WDFY4: variants seen among roughly 807,000 people sequenced by gnomAD.
The protein encoded by WDFY4 is WDFY family member 4, also known as WD repeat- and FYVE domain-containing protein 4.
In WDFY4, 169 loss-of-function variants were observed where a neutral mutation model predicts 351.9. That is an observed-to-expected ratio of 0.48 (90% CI 0.42 to 0.55). The LOEUF (loss-of-function observed/expected upper bound fraction) is 0.55, where lower values mean the gene tolerates loss of function less well. Ranked by LOEUF, WDFY4 falls within the 20% of genes least tolerant of loss-of-function variation. The pLI is 0.00. For missense variants in WDFY4, 3,803 were observed against 3,935.6 expected, an observed-to-expected ratio of 0.97 and a Z score of 0.90; for synonymous variants, 1,622 against 1,574.6, an observed-to-expected ratio of 1.03 and a Z score of -0.71.
intron 1 of WDFY4, among the ~76,000 whole-genome samples, chr10:48,700,015 T>G (rs2063435101): frequency 6.6e-6 from 1 of 152,178 alleles, no homozygotes; most frequent in African/African-American, 2.4e-5. Context: ...GGTTCAGAAA[T>G]CTGGTTTTAA....
chr10:48,804,226 T>C (rs150770729), intron 25 of WDFY4, among the ~76,000 whole-genome samples: 11 of 152,316 alleles, frequency 7.2e-5, no homozygotes, highest in Non-Finnish European at 1.5e-4. Flanking sequence ...CTAGAGCTCA[T>C]TGGTGCCTTC....
Position 48,721,136 on chromosome 10 carries a change from G to T in WDFY4, c.350-125G>T. The T allele has an allele frequency of 5.9e-6, 5 of 850,054 alleles. No individual in the cohort carries two copies. In the East Asian group the frequency reaches 1.3e-4, roughly 23 times the overall value. 52.7% of individuals were successfully genotyped at this position (850,054 alleles called of 1,614,324 possible). A position where few individuals can be genotyped will look rare whatever the true frequency, so the allele number is the denominator to read the frequency against. On this transcript the variant is annotated intron_variant, in intron 3 of 61. Transcript: ENST00000325239. ...GAGATGCAGGTGGCCTTGGGGATGT[G>T]TAGGCAAGATGCCAAAGTCCTCTAC...
At chr10:48,824,602 T>A (rs926550869) in intron 35 of WDFY4, among the ~76,000 whole-genome samples, 2 of 152,162 alleles carry the variant, frequency 1.3e-5, no homozygotes, top group African/African-American at 4.8e-5. Flanking sequence ...GGCTTGAAAG[T>A]AGAGGAAATG....
intron 35 of WDFY4, among the ~76,000 whole-genome samples, chr10:48,825,644 C>T (rs1318652167): frequency 2.6e-5 from 4 of 152,156 alleles, no homozygotes; most frequent in Admixed American, 1.3e-4. Context: ...TAATAATCGC[C>T]ATTCTGACTG....
intron 13 of WDFY4, among the ~76,000 whole-genome samples, chr10:48,763,115 CT>C (rs1221368099): frequency 3.3e-5 from 5 of 152,210 alleles, no homozygotes; most frequent in Non-Finnish European, 7.3e-5. Flanking sequence ...AAGCCAGGAC[CT>C]ACCTGGGACA....
At chr10:48,870,474 G>A (rs888326706) in intron 40 of WDFY4, among the ~76,000 whole-genome samples, 11 of 151,678 alleles carry the variant, frequency 7.3e-5, no homozygotes, top group African/African-American at 2.7e-4. Flanking sequence ...GGAGTTGGAG[G>A]TTACAGGTTA....
At chr10:48,884,497 CACAG>C (rs1296156686) in intron 43 of WDFY4, among the ~76,000 whole-genome samples, 4 of 152,264 alleles carry the variant, frequency 2.6e-5, no homozygotes, top group South Asian at 4.1e-4. Flanking sequence ...CACATGCATG[CACAG>C]ACACACATGT....
At chr10:48,746,056 T>C in intron 12 of WDFY4, 1 of 164,692 alleles carries the variant, frequency 6.1e-6, no homozygotes, top group Non-Finnish European at 1.4e-5. Context: ...CAGCAGTACC[T>C]GCTTCACCAC....
chr10:48,783,524 A>T (rs560198904), intron 19 of WDFY4, among the ~76,000 whole-genome samples: 146 of 151,536 alleles, frequency 9.6e-4, no homozygotes, highest in African/African-American at 3.3e-3. Context: ...AGATGTATAT[A>T]TCAAATGTAT....
At chr10:48,800,098 A>T (rs945483603) in intron 24 of WDFY4, among the ~76,000 whole-genome samples, 1 of 152,038 alleles carries the variant, frequency 6.6e-6, no homozygotes, top group African/African-American at 2.4e-5. Context: ...GTTGGTCAGG[A>T]TGGTCTTGAT....
At chr10:48,926,118 G>A (rs1181692364) in intron 47 of WDFY4, among the ~76,000 whole-genome samples, 2 of 152,178 alleles carry the variant, frequency 1.3e-5, no homozygotes, top group East Asian at 1.9e-4. Flanking sequence ...AGTGGCAAAT[G>A]CCTCATCCTG....
At chr10:48,945,887 G>C (rs1252130868) in intron 49 of WDFY4, among the ~76,000 whole-genome samples, 153 bp from the exon 50 acceptor site, 2 of 152,118 alleles carry the variant, frequency 1.3e-5, no homozygotes, top group Non-Finnish European at 2.9e-5. Flanking sequence ...CTGGCTCTGG[G>C]GCCATAAAAC....
chr10:48,778,936 GTTTCTCC>G (rs2066127492), intron 18 of WDFY4, 104 bp downstream of exon 18: 1 of 1,269,012 alleles, frequency 7.9e-7, no homozygotes, highest in African/African-American at 1.5e-5. Flanking sequence ...GTGACCTTCT[GTTTCTCC>G]TCATCCTTTG....
intron 44 of WDFY4, among the ~76,000 whole-genome samples, chr10:48,893,851 C>T (rs1169782264): frequency 6.6e-6 from 1 of 152,168 alleles, no homozygotes; most frequent in Non-Finnish European, 1.5e-5. Flanking sequence ...TGACAGTTAT[C>T]CTAAGCACAT....
chr10:48,740,210 T>C (rs754678285), intron 11 of WDFY4, among the ~76,000 whole-genome samples: 9 of 152,202 alleles, frequency 5.9e-5, no homozygotes, highest in Non-Finnish European at 1.2e-4. Flanking sequence ...TGACTTTTCA[T>C]GGCATGTGTC....
At chr10:48,797,139 A>C (rs751506660) in intron 24 of WDFY4, among the ~76,000 whole-genome samples, 2 of 152,208 alleles carry the variant, frequency 1.3e-5, no homozygotes, top group African/African-American at 2.4e-5. Flanking sequence ...TTCAGGGGGA[A>C]AATAACCTTC....
At chr10:48,880,300 T>G (rs2070193574) in intron 43 of WDFY4, among the ~76,000 whole-genome samples, 1 of 152,204 alleles carries the variant, frequency 6.6e-6, no homozygotes, top group South Asian at 2.1e-4. Flanking sequence ...CTTGTTTTTG[T>G]TGACTGTCCA....
chr10:48,955,689 G>A (rs1841553909), intron 51 of WDFY4, among the ~76,000 whole-genome samples: 1 of 152,262 alleles, frequency 6.6e-6, no homozygotes, highest in African/African-American at 2.4e-5. Flanking sequence ...GCTGCTGTGA[G>A]GATTAGGAGA....
chr10:48,748,447 G>A (rs867588807), intron 12 of WDFY4, among the ~76,000 whole-genome samples: 1 of 152,144 alleles, frequency 6.6e-6, no homozygotes, highest in Non-Finnish European at 1.5e-5. Context: ...TTGTCTGTGC[G>A]TGCGTGTATG....
Sources: allele counts gnomAD v4.1 joint callset (sites outside exome capture counted in the v4.1 genomes callset), GRCh38; gene constraint gnomAD v4.1.1; transcripts MANE v1.5; gene names NCBI Gene and HGNC (gene_info 2026-07-23, HGNC 2026-07-21).